The following EXOC6B variants were observed in gnomAD, a reference collection of about 807,000 sequenced individuals.
EXOC6B encodes exocyst complex component 6B, also known as SEC15 homolog B.
In EXOC6B, 54 loss-of-function variants were observed where a neutral mutation model predicts 113.5. The observed-to-expected ratio is 0.48, with a 90% confidence interval of 0.38 to 0.60. EXOC6B has a LOEUF of 0.60. Ranked by LOEUF, EXOC6B falls within the 20% of genes least tolerant of loss-of-function variation. The pLI, the probability that EXOC6B is intolerant of heterozygous loss-of-function variation, is 0.00. For missense variants in EXOC6B, 797 were observed against 977.5 expected (o/e 0.82, Z 2.46); for synonymous variants, 357 against 339.0 (o/e 1.05, Z -0.58).
At chr2:72,191,323 T>G (rs931501064) in intron 20 of EXOC6B, among the ~76,000 whole-genome samples, 11 of 152,180 alleles carry the variant, frequency 7.2e-5, no homozygotes, top group Non-Finnish European at 1.5e-4. Context: ...TTTCAGAAAA[T>G]TCCCTTAGCT....
At chr2:72,751,755 G>C (rs571821058) in intron 1 of EXOC6B, among the ~76,000 whole-genome samples, 2 of 152,190 alleles carry the variant, frequency 1.3e-5, no homozygotes, top group Non-Finnish European at 2.9e-5. Context: ...GAAGAGAATG[G>C]AGAATACAAT....
chr2:72,499,873 T>C (rs1426588704), intron 12 of EXOC6B, 28 bp downstream of exon 12: 21 of 1,470,744 alleles, frequency 1.4e-5, no homozygotes, highest in Non-Finnish European at 2.0e-5. Context: ...CCAATCTAGA[T>C]GAGCATATGT....
intron 18 of EXOC6B, among the ~76,000 whole-genome samples, chr2:72,413,822 C>T (rs1386832959): frequency 3.3e-5 from 5 of 152,110 alleles, no homozygotes; most frequent in Non-Finnish European, 7.4e-5. Flanking sequence ...TATGTATCAC[C>T]ACACCTGGTG....
At chr2:72,611,375 G>A (rs1422325266) in intron 6 of EXOC6B, among the ~76,000 whole-genome samples, 1 of 150,964 alleles carries the variant, frequency 6.6e-6, no homozygotes, top group East Asian at 1.9e-4. Flanking sequence ...AACAAAAAAA[G>A]GCTTGTCAAG....
At chr2:72,669,736 C>T (rs1441574284) in intron 6 of EXOC6B, among the ~76,000 whole-genome samples, 2 of 152,194 alleles carry the variant, frequency 1.3e-5, no homozygotes, top group Non-Finnish European at 2.9e-5. Flanking sequence ...GTTGTTTTAT[C>T]ACAATAATTA....
At chr2:72,370,891 C>G (rs1424337952) in intron 19 of EXOC6B, among the ~76,000 whole-genome samples, 1 of 151,022 alleles carries the variant, frequency 6.6e-6, no homozygotes, top group Non-Finnish European at 1.5e-5. Context: ...AGGGATATGC[C>G]TAATGTAAAT....
chr2:72,718,618 G>A (rs1215021485), intron 5 of EXOC6B, among the ~76,000 whole-genome samples: 1 of 152,162 alleles, frequency 6.6e-6, no homozygotes, highest in Non-Finnish European at 1.5e-5. Flanking sequence ...AGCACTTTGG[G>A]AGGCCAAGAC....
intron 6 of EXOC6B, among the ~76,000 whole-genome samples, chr2:72,647,844 C>T (rs1469891497): frequency 3.3e-5 from 5 of 152,142 alleles, no homozygotes; most frequent in Non-Finnish European, 7.4e-5. Context: ...AAAACCTAGG[C>T]AATACCATTC....
At chr2:72,408,420 C>A (rs1408534301) in intron 18 of EXOC6B, among the ~76,000 whole-genome samples, 1 of 152,122 alleles carries the variant, frequency 6.6e-6, no homozygotes, top group Non-Finnish European at 1.5e-5. Context: ...CACTCCTAAG[C>A]CAAAAGAACA....
chr2:72,492,356 G>A lies in EXOC6B; in HGVS notation c.1627C>T (p.Gln543Ter). The change falls in exon 16 of 22, where the codon CAG becomes TAG. Residue 543 changes from glutamine to a stop codon, truncating the protein, a stop_gained. Transcript: ENST00000272427. LOFTEE classifies it high-confidence loss of function. ...ATATTCTTCCTTTTAATTACATTCT[G>A]CAGAGAGTTGCTCAGAGTCCTGGTT... ...LLTRTLSNSL[Q>*]NVIKRKNIGL... The A allele has an allele frequency of 6.2e-7, 1 of 1,612,680 alleles. No homozygotes were observed. Among genetic ancestry groups the A allele is most frequent in the Non-Finnish European group, 8.5e-7 (1 of 1,178,960 alleles).
intron 6 of EXOC6B, among the ~76,000 whole-genome samples, chr2:72,645,783 T>G (rs1261884176): frequency 2.0e-5 from 3 of 152,252 alleles, no homozygotes; most frequent in East Asian, 3.9e-4. Flanking sequence ...CTGGGACACA[T>G]TTAAAGCAGT....
chr2:72,679,440 CT>C (rs1334724577), intron 6 of EXOC6B, among the ~76,000 whole-genome samples: 3 of 152,110 alleles, frequency 2.0e-5, no homozygotes, highest in Non-Finnish European at 4.4e-5. Flanking sequence ...TTAGGAACCC[CT>C]GATTAAAACA....
intron 18 of EXOC6B, among the ~76,000 whole-genome samples, chr2:72,407,508 T>C (rs1239696270): frequency 2.6e-5 from 4 of 152,146 alleles, no homozygotes. Flanking sequence ...ATCAAAAACT[T>C]ATACACCACG....
In EXOC6B at chr2:72,247,829, T is replaced by C. The variant is rs552480331; in HGVS notation, c.2197-63642A>G. Among the ~76,000 whole-genome samples, 268 of 152,354 alleles carry C rather than the reference T, an allele frequency of 1.8e-3. 2 individuals carry two copies. The highest frequency in any genetic ancestry group is 2.3e-3 in the Non-Finnish European group (158 of 68,034). ...ACTTTTGGTCCTTTAATGCTTTGTTTTGATTCATCTTATGGGGAAGTTTGG... is the reference window on the plus strand; with the variant it reads ...ACTTTTGGTCCTTTAATGCTTTGTTCTGATTCATCTTATGGGGAAGTTTGG... On this transcript the variant is annotated intron_variant, in intron 20 of 21. Coordinates refer to ENST00000272427, the MANE Select transcript of EXOC6B (RefSeq NM_015189.3).
intron 6 of EXOC6B, among the ~76,000 whole-genome samples, chr2:72,601,371 G>A (rs981959047): frequency 2.6e-5 from 4 of 152,034 alleles, no homozygotes; most frequent in Non-Finnish European, 5.9e-5. Flanking sequence ...TTTTAGTAGA[G>A]ACGGGGTTTC....
At chr2:72,393,718 C>T (rs1573019877) in intron 18 of EXOC6B, among the ~76,000 whole-genome samples, 1 of 152,092 alleles carries the variant, frequency 6.6e-6, no homozygotes, top group Admixed American at 6.5e-5. Flanking sequence ...CCATTGTCAT[C>T]TAGGCAAACA....
At chr2:72,657,226 T>TC (rs1674647447) in intron 6 of EXOC6B, among the ~76,000 whole-genome samples, 1 of 21,074 alleles carries the variant, frequency 4.7e-5, no homozygotes, top group Non-Finnish European at 2.6e-4. Context: ...CACAACTGTC[T>TC]TTTTTTTTTT....
chr2:72,756,485 T>C (rs1176574169), intron 1 of EXOC6B, among the ~76,000 whole-genome samples: 2 of 152,204 alleles, frequency 1.3e-5, no homozygotes, highest in African/African-American at 4.8e-5. Context: ...CCAACTCATA[T>C]GAAAAGCAAA....
chr2:72,470,259 CAGTGTTTTGT>C (rs997717876), intron 17 of EXOC6B, among the ~76,000 whole-genome samples: 1 of 152,068 alleles, frequency 6.6e-6, no homozygotes, highest in Admixed American at 6.6e-5. Context: ...TTTCTTTCAT[CAGTGTTTTGT>C]AGTTTTCATT....
Sources: allele counts gnomAD v4.1 joint callset (sites outside exome capture counted in the v4.1 genomes callset), GRCh38; gene constraint gnomAD v4.1.1; transcripts MANE v1.5; gene names NCBI Gene and HGNC (gene_info 2026-07-23, HGNC 2026-07-21).